RARRES1: variants seen among roughly 807,000 people sequenced by gnomAD.
RARRES1 encodes retinoic acid receptor responder protein 1.
Under a neutral mutation model 30.6 loss-of-function variants are expected in RARRES1, and 34 were observed. The ratio of observed to expected loss-of-function variants is 1.11; its 90% CI spans 0.84 to 1.48. The LOEUF is 1.48. RARRES1 is among the 40% of genes most tolerant of loss of function. The pLI, the probability that RARRES1 is intolerant of heterozygous loss-of-function variation, is 0.00. For missense variants in RARRES1, 373 were observed against 386.5 expected, an observed-to-expected ratio of 0.97 and a Z score of 0.29; for synonymous variants, 153 against 155.5, an observed-to-expected ratio of 0.98 and a Z score of 0.12.
At position 158,709,822 on chromosome 3, in the gene RARRES1, C is replaced by G. The variant is rs138708109; in HGVS notation, c.535+916G>C. Among the ~76,000 whole-genome samples the G allele has an allele frequency of 4.6e-5, 7 of 152,326 alleles. No homozygotes were observed. The East Asian group carries it at 1.4e-3, about 29-fold the overall frequency. ...AATTTGCTGAGTCTCAACTGCTCTCCACACATTCTGGTGAGTGCAGGAACG... is the reference window on the plus strand; with the variant it reads ...AATTTGCTGAGTCTCAACTGCTCTCGACACATTCTGGTGAGTGCAGGAACG... On this transcript the variant is annotated intron_variant, in intron 3 of 5. Transcript: ENST00000237696.
In RARRES1 at chr3:158,723,553, C is replaced by T. The variant is rs1727579361; in HGVS notation, c.276+8587G>A. On this transcript the variant is annotated intron_variant, in intron 1 of 5. Coordinates refer to ENST00000237696, the MANE Select transcript of RARRES1 (RefSeq NM_206963.2). This position sits in a 1 kb window ranked among gnomAD's most constrained non-coding sequence, Gnocchi z 4.4. ...CAGTTACCTTCTGATCAGGCCCAGG[C>T]AGTGGGGCCCAAGGAGCTCTTTGCG... is the stretch of plus-strand genomic sequence containing the variant. Among the ~76,000 whole-genome samples, 1 of 152,250 alleles carries T rather than the reference C, an allele frequency of 6.6e-6. No individual in the cohort carries two copies. Among genetic ancestry groups the T allele is most frequent in the Non-Finnish European group, 1.5e-5 (1 of 68,046 alleles).
chr3:158,706,881 C>T (rs944578496), intron 3 of RARRES1, among the ~76,000 whole-genome samples: 11 of 152,050 alleles, frequency 7.2e-5, no homozygotes, highest in African/African-American at 2.7e-4. Context: ...TAAAGTGCTG[C>T]AGATAGGCCG....
At chr3:158,720,629 C>T (rs1350446457) in intron 1 of RARRES1, among the ~76,000 whole-genome samples, 1 of 151,982 alleles carries the variant, frequency 6.6e-6, no homozygotes, top group African/African-American at 2.4e-5. Context: ...CAATCTGTGC[C>T]TCTATTATTG....
chr3:158,703,886 C>G (rs1726818063), intron 4 of RARRES1, among the ~76,000 whole-genome samples: 1 of 152,158 alleles, frequency 6.6e-6, no homozygotes, highest in South Asian at 2.1e-4. Context: ...GCCGAGACCT[C>G]TCCCCTGAAC....
chr3:158,711,039 A>G (rs1727116375), intron 2 of RARRES1, 106 bp from the exon 3 acceptor site: 13 of 955,714 alleles, frequency 1.4e-5, no homozygotes, highest in Non-Finnish European at 2.0e-5. Flanking sequence ...AGGCTCTGGC[A>G]TCAATAGATG....
rs1727353761 is a variant in RARRES1 at position 158,717,317 on chromosome 3, G to A, written c.277-3458C>T. ...GCAGCCACTCTCCGGGCAGTCTAGC[G>A]GGAGAGGGCCTTAAATAGAGCATTG... is the stretch of plus-strand genomic sequence containing the variant. On this transcript the variant is annotated intron_variant, in intron 1 of 5. Coordinates refer to ENST00000237696, the MANE Select transcript of RARRES1 (RefSeq NM_206963.2). 2.6e-5 allele frequency among the ~76,000 whole-genome samples: 4 copies of A among 152,374 alleles called. No individual in the cohort carries two copies. In the South Asian group the frequency reaches 8.3e-4, roughly 32 times the overall value.
intron 1 of RARRES1, among the ~76,000 whole-genome samples, chr3:158,716,586 C>CT (rs55963290): frequency 9.3e-4 from 133 of 143,266 alleles, no homozygotes; most frequent in African/African-American, 2.2e-3. Context: ...AGGAAGCACT[C>CT]TTTTTTTTTT....
chr3:158,700,354 G>T (rs1293653966), intron 4 of RARRES1, among the ~76,000 whole-genome samples: 2 of 152,062 alleles, frequency 1.3e-5, no homozygotes, highest in Non-Finnish European at 2.9e-5. Context: ...CAAAAAAGAG[G>T]CAGAGCTTAA....
In RARRES1 at chr3:158,715,917, A is replaced by G. The variant is rs113260297; in HGVS notation, c.277-2058T>C. Among the ~76,000 whole-genome samples, 613 of 152,172 alleles carry G rather than the reference A, an allele frequency of 4.0e-3. 4 individuals are homozygous for G. Among genetic ancestry groups the G allele is most frequent in the African/African-American group, 0.014 (594 of 41,540 alleles). ...AGGGCTGTGGCTTGCTGCCTCTCAC[A>G]CTCCCAGCCACATGGGCACCCGCAA... is the stretch of plus-strand genomic sequence containing the variant. On this transcript the variant is annotated intron_variant, in intron 1 of 5. Transcript: ENST00000237696.
At position 158,697,569 on chromosome 3, in the gene RARRES1, G is replaced by A; in HGVS notation, c.*109C>T. ...TTCTGAGTTTTTACTTGTAATCATA[G>A]GTTTTCCCAAATTATTAGAATGTCT... On this transcript the variant is annotated 3_prime_UTR_variant, in exon 6 of 6. Coordinates refer to ENST00000237696, the MANE Select transcript of RARRES1 (RefSeq NM_206963.2). 8.2e-7 allele frequency: 1 copy of A among 1,219,142 alleles called. No homozygotes were observed. Among genetic ancestry groups the A allele is most frequent in the Non-Finnish European group, 1.1e-6 (1 of 877,856 alleles). 75.5% of individuals were successfully genotyped at this position (1,219,142 alleles called of 1,614,324 possible). A position where few individuals can be genotyped will look rare whatever the true frequency, so the allele number is the denominator to read the frequency against.
chr3:158,707,657 C>T lies in RARRES1; in HGVS notation c.536-2730G>A, dbSNP rs189905421. 1.3e-3 allele frequency among the ~76,000 whole-genome samples: 196 copies of T among 152,084 alleles called. 1 individual carries two copies. The highest frequency in any genetic ancestry group is 4.6e-3 in the African/African-American group (190 of 41,470). ...AAAGTGCATGAGGCTGGGATGTGGG[C>T]CTTGAAAAAATGGAAAAGCTTCAAC... is the stretch of plus-strand genomic sequence containing the variant. On this transcript the variant is annotated intron_variant, in intron 3 of 5. Coordinates refer to ENST00000237696, the MANE Select transcript of RARRES1 (RefSeq NM_206963.2).
chr3:158,698,740 A>T (rs1726631535), intron 4 of RARRES1, among the ~76,000 whole-genome samples: 2 of 151,186 alleles, frequency 1.3e-5, no homozygotes, highest in African/African-American at 2.4e-5. Context: ...AACATTTTTT[A>T]AAAATACCTT....
rs986393858 is a variant in RARRES1 at position 158,723,347 on chromosome 3, G to C, written c.276+8793C>G. Among the ~76,000 whole-genome samples the C allele has an allele frequency of 2.0e-5, 3 of 152,212 alleles. No individual in the cohort carries two copies. Among genetic ancestry groups the C allele is most frequent in the Non-Finnish European group, 4.4e-5 (3 of 68,032 alleles). ...CGTCATTTTATAAGGTTACTTTTAT[G>C]AGTCAGGCTTGGTTGGAGATAAGTA... On this transcript the variant is annotated intron_variant, in intron 1 of 5. Coordinates refer to ENST00000237696, the MANE Select transcript of RARRES1 (RefSeq NM_206963.2). This position sits in a 1 kb window ranked among gnomAD's most constrained non-coding sequence, Gnocchi z 4.4.
chr3:158,715,585 G>T (rs971824604), intron 1 of RARRES1, among the ~76,000 whole-genome samples: 20 of 152,192 alleles, frequency 1.3e-4, no homozygotes, highest in African/African-American at 4.8e-4. Context: ...GCATAAACAG[G>T]GTTTAGGACA....
At chr3:158,730,365 C>CCCCT (rs1553746330) in intron 1 of RARRES1, among the ~76,000 whole-genome samples, 4,568 of 120,252 alleles carry the variant, frequency 0.038, 221 homozygotes, top group Admixed American at 0.075. Flanking sequence ...GAATAGGTTG[C>CCCCT]TCCTTCCTTC....
chr3:158,699,136 G>T (rs1726642773), intron 4 of RARRES1, among the ~76,000 whole-genome samples: 1 of 152,106 alleles, frequency 6.6e-6, no homozygotes, highest in Non-Finnish European at 1.5e-5. Context: ...CTTGACCATC[G>T]GGTAGATAAG....
intron 1 of RARRES1, among the ~76,000 whole-genome samples, chr3:158,729,574 C>T (rs371032843): frequency 1.2e-4 from 18 of 152,052 alleles, no homozygotes; most frequent in African/African-American, 3.4e-4. Flanking sequence ...CTCAGCCTCC[C>T]GAGTAGCTGG....
Position 158,729,557 on chromosome 3 carries a change from T to C in RARRES1, c.276+2583A>G, listed in dbSNP as rs527240711. Reference sequence around the variant, plus strand: ...CCTCTGCCTCCCGGGTTCAAGCAATTCTCTATCTCAGCCTCCCGAGTAGCT... The same window carrying C: ...CCTCTGCCTCCCGGGTTCAAGCAATCCTCTATCTCAGCCTCCCGAGTAGCT... On this transcript the variant is annotated intron_variant, in intron 1 of 5. Coordinates refer to ENST00000237696, the MANE Select transcript of RARRES1 (RefSeq NM_206963.2). Among the ~76,000 whole-genome samples, 29 of 152,080 alleles carry C rather than the reference T, an allele frequency of 1.9e-4. No individual in the cohort carries two copies. In the East Asian group the frequency reaches 5.7e-3, roughly 30 times the overall value.
In RARRES1 at chr3:158,715,549, C is replaced by A. The variant is rs145617397; in HGVS notation, c.277-1690G>T. ...TAACATTAAACATATCCACAATACA[C>A]AGGGCGTTGTGAACAGTAGGATAAG... On this transcript the variant is annotated intron_variant, in intron 1 of 5. Coordinates refer to ENST00000237696, the MANE Select transcript of RARRES1 (RefSeq NM_206963.2). 8.1e-3 allele frequency among the ~76,000 whole-genome samples: 1,233 copies of A among 152,278 alleles called. 22 individuals are homozygous for A. Among genetic ancestry groups the A allele is most frequent in the African/African-American group, 0.028 (1,160 of 41,546 alleles).
Sources: gnomAD v4.1 joint callset for allele counts (sites outside exome capture counted in the v4.1 genomes callset) on GRCh38, gnomAD v4.1.1 for gene constraint, Gnocchi (gnomAD v3.1) non-coding constraint, MANE v1.5 for transcripts, NCBI Gene and HGNC (gene_info 2026-07-23, HGNC 2026-07-21) for gene names.